Variants in CPEB3 observed in about 807,000 individuals in gnomAD.
CPEB3 encodes the protein cytoplasmic polyadenylation element-binding protein 3.
Under a neutral mutation model 67.2 loss-of-function variants are expected in CPEB3, and 20 were observed. The observed-to-expected ratio is 0.30, with a 90% CI of 0.21 to 0.43. The LOEUF (loss-of-function observed/expected upper bound fraction) is 0.43, where lower values mean the gene tolerates loss of function less well. Ranked by LOEUF, CPEB3 falls within the 20% of genes least tolerant of loss-of-function variation. The pLI is 1.00. For synonymous variants in CPEB3, 376 were observed against 393.1 expected (o/e 0.96, Z 0.51); for missense variants, 746 against 968.6 (o/e 0.77, Z 3.05).
chr10:92,119,015 G>A lies in CPEB3; in HGVS notation c.1454-7821C>T, dbSNP rs7087060. 0.02 allele frequency: 30,448 copies of A among 1,547,946 alleles called. 4,921 individuals carry two copies. In the African/African-American group the frequency reaches 0.36, roughly 18 times the overall value. On this transcript the variant is annotated intron_variant, in intron 6 of 9. Coordinates refer to ENST00000265997, the MANE Select transcript of CPEB3 (RefSeq NM_014912.5). ...GATCCACACAGCTAAGTTTGCACTC[G>A]TCTTCCCTCTCATGTATCATACCTG...
intron 4 of CPEB3, among the ~76,000 whole-genome samples, chr10:92,152,753 A>G (rs1847021302): frequency 1.3e-5 from 2 of 152,194 alleles, no homozygotes; most frequent in South Asian, 4.1e-4. Flanking sequence ...TCACCTCTTC[A>G]GAGGTGACCT....
Position 92,050,203 on chromosome 10 carries a change from A to G in CPEB3, c.*2009T>C, listed in dbSNP as rs1412078585. On this transcript the variant is annotated 3_prime_UTR_variant, in exon 10 of 10. Transcript: ENST00000265997. ...ACAAACAAAACCACACCTGGGCTGG[A>G]AAAAAGCAATTATTACCAAAAAGCC... The G allele has an allele frequency of 6.6e-6, 1 of 152,562 alleles. No individual in the cohort carries two copies. The highest frequency in any genetic ancestry group is 1.5e-5 in the Non-Finnish European group (1 of 68,028). 9.5% of individuals were successfully genotyped at this position (152,562 alleles called of 1,614,324 possible).
intron 6 of CPEB3, among the ~76,000 whole-genome samples, chr10:92,124,756 C>T (rs554318948): frequency 4.6e-5 from 7 of 152,298 alleles, no homozygotes; most frequent in Non-Finnish European, 8.8e-5. Flanking sequence ...TAAAATAACA[C>T]TGACTTATTT....
chr10:92,098,201 T>C (rs1372070259), intron 7 of CPEB3, among the ~76,000 whole-genome samples: 1 of 116,430 alleles, frequency 8.6e-6, no homozygotes, highest in Non-Finnish European at 1.9e-5. Context: ...AAAAAAAAAA[T>C]CTGTTCAATG....
At chr10:92,269,589 G>C (rs1419072868) in intron 1 of CPEB3, among the ~76,000 whole-genome samples, 1 of 151,990 alleles carries the variant, frequency 6.6e-6, no homozygotes, top group African/African-American at 2.4e-5. Flanking sequence ...ATGGAGTCTC[G>C]TTCTGTCACC....
intron 7 of CPEB3, 59 bp downstream of exon 7, chr10:92,111,017 C>G: frequency 8.8e-7 from 1 of 1,137,682 alleles, no homozygotes; most frequent in Non-Finnish European, 1.3e-6. Context: ...AAGAGGAGGT[C>G]AGCTATTCCA....
chr10:92,063,719 A>G (rs1374612783), intron 9 of CPEB3, among the ~76,000 whole-genome samples: 1 of 151,858 alleles, frequency 6.6e-6, no homozygotes, highest in African/African-American at 2.4e-5. Flanking sequence ...AGCCAAGATC[A>G]CACCACTGCA....
chr10:92,239,790 C>T lies in CPEB3; in HGVS notation c.561G>A (p.Pro187=), dbSNP rs1278932317. ...QPAQPPQAQP[P]QQRRSPASPS... ...GGCTGGCGGGTGAGCGGCGCTGCTG[C>T]GGGGGCTGCGCCTGTGGTGGCTGCG... The change falls in exon 2 of 10, where the codon CCG becomes CCA. Residue 187 remains proline, a synonymous_variant. Transcript: ENST00000265997. This position sits in a 1 kb window ranked among gnomAD's most constrained non-coding sequence, Gnocchi z 6.0. The T allele has an allele frequency of 2.1e-6, 3 of 1,411,686 alleles. No individual in the cohort carries two copies. Among genetic ancestry groups the T allele is most frequent in the Non-Finnish European group, 2.8e-6 (3 of 1,089,968 alleles). 87.4% of individuals were successfully genotyped at this position (1,411,686 alleles called of 1,614,324 possible).
chr10:92,173,717 G>A (rs1206996335), intron 4 of CPEB3, among the ~76,000 whole-genome samples: 1 of 152,146 alleles, frequency 6.6e-6, no homozygotes, highest in Non-Finnish European at 1.5e-5. Flanking sequence ...TTTCCAGTCT[G>A]TAAAATGAGA....
At chr10:92,106,814 CAAAAAAAAAAAA>C (rs531195477) in intron 7 of CPEB3, among the ~76,000 whole-genome samples, 5 of 55,974 alleles carry the variant, frequency 8.9e-5, no homozygotes, top group Non-Finnish European at 1.2e-4. Context: ...GACTCTGTCT[CAAAAAAAAAAAA>C]AAAAAAAAAA....
chr10:92,083,903 G>A (rs3781233), intron 8 of CPEB3, among the ~76,000 whole-genome samples: 59,020 of 151,944 alleles, frequency 0.39, 12,203 homozygotes, highest in African/African-American at 0.53. Context: ...CTTCAGGATC[G>A]CCGGGCACGG....
At chr10:92,153,549 G>A (rs1295777759) in intron 4 of CPEB3, among the ~76,000 whole-genome samples, 1 of 152,076 alleles carries the variant, frequency 6.6e-6, no homozygotes, top group Non-Finnish European at 1.5e-5. Context: ...ACTTTGGGAG[G>A]CCGAGGCGAT....
At chr10:92,291,139 C>G (rs866730194), upstream of CPEB3, 1 of 396,524 alleles carries the variant, frequency 2.5e-6, no homozygotes, top group Non-Finnish European at 4.6e-6. Flanking sequence ...GCGTCGTAAC[C>G]CTGGCGCGCA....
At position 92,199,912 on chromosome 10, in the gene CPEB3, AG is replaced by A. The variant is rs1248835526; in HGVS notation, c.1006-7277del. Reference sequence around the variant, plus strand: ...CAAACACACAGAGAGAGAGAGAGAGAGAGAGAGAGAGAATTATTTTAAAATG... The same window carrying A: ...CAAACACACAGAGAGAGAGAGAGAGAAGAGAGAGAGAATTATTTTAAAATG... On this transcript the variant is annotated intron_variant, in intron 2 of 9. Transcript: ENST00000265997. Among the ~76,000 whole-genome samples the A allele has an allele frequency of 3.3e-5, 5 of 152,198 alleles. No homozygotes were observed. In the East Asian group the frequency reaches 9.7e-4, roughly 29 times the overall value.
intron 2 of CPEB3, among the ~76,000 whole-genome samples, chr10:92,230,020 T>G (rs535121894): frequency 5.2e-4 from 78 of 150,960 alleles, no homozygotes; most frequent in African/African-American, 1.8e-3. Flanking sequence ...CACTCCAGCC[T>G]AGGCAACGAG....
chr10:92,198,463 C>G (rs781533489), intron 2 of CPEB3, among the ~76,000 whole-genome samples: 1 of 152,272 alleles, frequency 6.6e-6, no homozygotes, highest in South Asian at 2.1e-4. Context: ...ATCCCAGGTC[C>G]GCCTCTAACA....
intron 9 of CPEB3, among the ~76,000 whole-genome samples, chr10:92,063,469 ATCAG>A (rs914486656): frequency 2.6e-5 from 4 of 152,158 alleles, no homozygotes; most frequent in Admixed American, 1.3e-4. Flanking sequence ...AACCAAATAA[ATCAG>A]TCAGACACCA....
intron 3 of CPEB3, among the ~76,000 whole-genome samples, chr10:92,182,146 T>C (rs894068716): frequency 2.6e-5 from 4 of 152,216 alleles, no homozygotes; most frequent in African/African-American, 9.6e-5. Flanking sequence ...TATCATGAAA[T>C]TCTCAAAAAA....
At chr10:92,148,902 CTTTT>C (rs35237832) in intron 4 of CPEB3, among the ~76,000 whole-genome samples, 68 of 131,268 alleles carry the variant, frequency 5.2e-4, no homozygotes, top group Admixed American at 4.8e-3. Context: ...CTAATACTGG[CTTTT>C]TTTTTTTTTT....
Sources: allele counts gnomAD v4.1 joint callset (sites outside exome capture counted in the v4.1 genomes callset), GRCh38; gene constraint gnomAD v4.1.1; non-coding constraint Gnocchi (gnomAD v3.1); transcripts MANE v1.5; gene names NCBI Gene and HGNC (gene_info 2026-07-23, HGNC 2026-07-21).